The following SULT1E1 variants were observed in gnomAD, a reference collection of about 807,000 sequenced individuals.
SULT1E1 encodes sulfotransferase 1E1.
Under a neutral mutation model 33.6 loss-of-function variants are expected in SULT1E1, and 36 were observed. The observed-to-expected ratio is 1.07, with a 90% confidence interval of 0.82 to 1.41. SULT1E1 has a LOEUF of 1.41. Ranked by LOEUF, SULT1E1 falls within the 40% of genes most tolerant of loss-of-function variation. The pLI, the probability that SULT1E1 is intolerant of heterozygous loss-of-function variation, is 0.00. For missense variants in SULT1E1, 371 were observed against 345.7 expected, an observed-to-expected ratio of 1.07 and a Z score of -0.58; for synonymous variants, 121 against 111.7, an observed-to-expected ratio of 1.08 and a Z score of -0.53.
At chr4:69,832,321 G>C in the SULT1E1 span, among the ~76,000 whole-genome samples, 1 of 152,210 alleles carries the variant, frequency 6.6e-6, no homozygotes, top group Non-Finnish European at 1.5e-5. Context: ...CAGACCCACA[G>C]GCAAAGGAGA....
rs772839892 is a variant in SULT1E1 at position 69,857,603 on chromosome 4, G to A, written c.42C>T (p.Val14=). The A allele has an allele frequency of 2.4e-5, 38 of 1,610,850 alleles. No individual in the cohort carries two copies. Among genetic ancestry groups the A allele is most frequent in the Admixed American group, 3.4e-5 (2 of 59,206 alleles). ...ELDYYEKFEE[V]HGILMYKDFV... The stretch of plus-strand genomic sequence containing the variant: ...AATCTTTATACATTAGAATCCCATG[G>A]ACTTCTTCAAACTTTTCATAATAGT... Residue 14 remains valine (V), a synonymous_variant, in exon 2 of 8, where the codon GTC becomes GTT. Coordinates refer to ENST00000226444, the MANE Select transcript of SULT1E1 (RefSeq NM_005420.3).
At position 69,849,512 on chromosome 4, in the gene SULT1E1, A is replaced by G; in HGVS notation, c.421T>C (p.Phe141Leu). Reference sequence around the variant, plus strand: ...GGATGACCAGCCACCATTAGAAAGAAATAATAAAAGGAAACAGCCACATCC... The same window carrying G: ...GGATGACCAGCCACCATTAGAAAGAGATAATAAAAGGAAACAGCCACATCC... ...AKDVAVSFYY[F>L]FLMVAGHPNP... Residue 141 changes from phenylalanine to leucine, a missense_variant, in exon 5 of 8, where the codon TTC becomes CTC. By Grantham distance (22) the Phe-to-Leu change is conservative. Coordinates refer to ENST00000226444, the MANE Select transcript of SULT1E1 (RefSeq NM_005420.3). 6.2e-7 allele frequency: 1 copy of G among 1,611,512 alleles called. No individual in the cohort carries two copies. The highest frequency in any genetic ancestry group is 8.5e-7 in the Non-Finnish European group (1 of 1,178,250).
At position 69,860,061 on chromosome 4, in the gene SULT1E1, T is replaced by C. The variant is rs1045435885; in HGVS notation, c.-22A>G. On this transcript the variant is annotated 5_prime_UTR_variant, in exon 1 of 8. Coordinates refer to ENST00000226444, the MANE Select transcript of SULT1E1 (RefSeq NM_005420.3). ...AAAAAAGTACAACCTGTTTAGTTGA[T>C]CCTGTGAAAGAAATTGATCTAGTTT... 1 of 152,096 alleles carries C rather than the reference T, an allele frequency of 6.6e-6. No homozygotes were observed. The highest frequency in any genetic ancestry group is 1.5e-5 in the Non-Finnish European group (1 of 67,984). 9.4% of individuals were successfully genotyped at this position (152,096 alleles called of 1,614,324 possible).
At chr4:69,827,046 A>T in the SULT1E1 span, among the ~76,000 whole-genome samples, 1 of 151,962 alleles carries the variant, frequency 6.6e-6, no homozygotes, top group Non-Finnish European at 1.5e-5. Flanking sequence ...GGGGGAGGGG[A>T]ATTTGGCTCA....
the SULT1E1 span, among the ~76,000 whole-genome samples, chr4:69,831,925 G>A: frequency 6.6e-6 from 1 of 152,048 alleles, no homozygotes; most frequent in African/African-American, 2.4e-5. Context: ...CATCTCTCAC[G>A]CAGTTTCACA....
At chr4:69,833,157 G>C in the SULT1E1 span, among the ~76,000 whole-genome samples, 3 of 152,034 alleles carry the variant, frequency 2.0e-5, no homozygotes, top group Non-Finnish European at 4.4e-5. Context: ...GGAACCCTAG[G>C]CATGATACTT....
At position 69,855,420 on chromosome 4, in the gene SULT1E1, G is replaced by A. The variant is rs1170826222; in HGVS notation, c.152C>T (p.Thr51Ile). ...VIATYPKSGT[T>I]WVSEIVYMIY... ...CATATACACAATTTCACTAACCCAG[G>A]TTGTACCTGTAAAAATTAAATAAAC... The change falls in exon 3 of 8, where the codon ACC becomes ATC. Residue 51 changes from threonine to isoleucine, a missense_variant. Thr to Ile is a moderately conservative substitution (Grantham distance 89). Coordinates refer to ENST00000226444, the MANE Select transcript of SULT1E1 (RefSeq NM_005420.3). 6.2e-7 allele frequency: 1 copy of A among 1,607,078 alleles called. No individual in the cohort carries two copies. The highest frequency in any genetic ancestry group is 1.1e-5 in the South Asian group (1 of 90,336).
chr4:69,855,151 G>GATTTAA (rs1430919571), intron 3 of SULT1E1, 150 bp downstream of exon 3: 2 of 801,814 alleles, frequency 2.5e-6, no homozygotes, highest in Non-Finnish European at 1.8e-6. Flanking sequence ...AGCCTGTCAA[G>GATTTAA]ATTTAAATTT....
intron 5 of SULT1E1, among the ~76,000 whole-genome samples, chr4:69,848,193 G>A (rs1392382093): frequency 6.6e-6 from 1 of 151,078 alleles, no homozygotes; most frequent in Non-Finnish European, 1.5e-5. Flanking sequence ...ATATAGTTCT[G>A]GTCTCAAATT....
rs1434684276 is a variant in SULT1E1 at position 69,849,540 on chromosome 4, T to A, written c.393A>T (p.Ala131=). The A allele has an allele frequency of 6.2e-7, 1 of 1,607,382 alleles. No homozygotes were observed. The change falls in exon 5 of 8, where the codon GCA becomes GCT. Residue 131 remains alanine, a synonymous_variant. Transcript: ENST00000226444. ...DCKIIYLCRN[A]KDVAVSFYYF... ...AATAAAAGGAAACAGCCACATCCTT[T>A]GCATTCCGGCAAAGATAGATTATCT...
intron 4 of SULT1E1, among the ~76,000 whole-genome samples, chr4:69,852,125 A>T (rs530113878): frequency 4.5e-4 from 69 of 152,222 alleles, no homozygotes; most frequent in African/African-American, 6.5e-4. Flanking sequence ...AAGTATAATT[A>T]AAAAAAGACC....
chr4:69,855,266 AT>A (rs770799158), intron 3 of SULT1E1, 34 bp downstream of exon 3: 7 of 1,596,746 alleles, frequency 4.4e-6, no homozygotes, highest in Non-Finnish European at 6.0e-6. Flanking sequence ...CTTAGAATAT[AT>A]GCAAATAGTT....
intron 4 of SULT1E1, among the ~76,000 whole-genome samples, chr4:69,853,814 C>T (rs1419210238): frequency 9.9e-5 from 15 of 152,048 alleles, no homozygotes; most frequent in Admixed American, 7.2e-4. Flanking sequence ...CAGTATTTTG[C>T]AAAGGGAGGA....
chr4:69,846,885 G>A (rs1044381031), intron 6 of SULT1E1, among the ~76,000 whole-genome samples: 2 of 151,584 alleles, frequency 1.3e-5, no homozygotes, highest in African/African-American at 4.8e-5. Flanking sequence ...TAGATTATAA[G>A]AAAATTTTAA....
the SULT1E1 span, among the ~76,000 whole-genome samples, chr4:69,834,537 A>G: frequency 2.6e-4 from 39 of 152,292 alleles, no homozygotes; most frequent in African/African-American, 8.9e-4. Context: ...TTGGATAACA[A>G]CAGCTTCTTA....
chr4:69,856,449 T>A (rs1276544631), intron 2 of SULT1E1, among the ~76,000 whole-genome samples: 2 of 152,186 alleles, frequency 1.3e-5, no homozygotes, highest in African/African-American at 4.8e-5. Context: ...AAGAGACCTG[T>A]TAAGAGGCTG....
intron 7 of SULT1E1, 67 bp downstream of exon 7, chr4:69,844,094 A>T (rs1578101842): frequency 4.7e-6 from 7 of 1,477,952 alleles, no homozygotes; most frequent in East Asian, 2.3e-5. Context: ...ACCTCACTAG[A>T]TTTTTGCCTA....
chr4:69,849,438 C>T lies in SULT1E1; in HGVS notation c.495G>A (p.Gln165=), dbSNP rs1237977430. 3 of 1,610,534 alleles carry T rather than the reference C, an allele frequency of 1.9e-6. No homozygotes were observed. Among genetic ancestry groups the T allele is most frequent in the South Asian group, 2.2e-5 (2 of 90,948 alleles). The change falls in exon 5 of 8, where the codon CAG becomes CAA. Residue 165 remains glutamine, a splice_region_variant and synonymous_variant. Transcript: ENST00000226444. Reference sequence around the variant, plus strand: ...TCAGTGTAAAGAAGCTGTTCCTACCCTGTCCTTGCATGAATTTCTCCACAA... The same window carrying T: ...TCAGTGTAAAGAAGCTGTTCCTACCTTGTCCTTGCATGAATTTCTCCACAA... ...PEFVEKFMQG[Q]VPYGSWYKHV...
intron 4 of SULT1E1, among the ~76,000 whole-genome samples, chr4:69,852,754 C>T (rs1460990061): frequency 2.0e-5 from 3 of 152,124 alleles, no homozygotes; most frequent in African/African-American, 7.2e-5. Context: ...ATGAATCCCT[C>T]CAACTATCTC....
Sources: allele counts gnomAD v4.1 joint callset (sites outside exome capture counted in the v4.1 genomes callset), GRCh38; gene constraint gnomAD v4.1.1; transcripts MANE v1.5; gene names NCBI Gene and HGNC (gene_info 2026-07-23, HGNC 2026-07-21).